Variants in METTL25 observed in about 807,000 individuals in gnomAD.
METTL25 encodes probable methyltransferase-like protein 25.
METTL25 carries 64 observed loss-of-function variants against 71.6 expected under a neutral mutation model. The ratio of observed to expected loss-of-function variants is 0.89; its 90% CI spans 0.73 to 1.10. The LOEUF is 1.10. METTL25 is among the 50% of genes least tolerant of loss of function. The pLI, the probability that METTL25 is intolerant of heterozygous loss-of-function variation, is 0.00. For missense variants in METTL25, 807 were observed against 707.0 expected (o/e 1.14, Z -1.60); for synonymous variants, 287 against 250.3 (o/e 1.15, Z -1.38).
chr12:82,478,618 A>G (rs997038746), intron 11 of METTL25, among the ~76,000 whole-genome samples: 2 of 151,900 alleles, frequency 1.3e-5, no homozygotes, highest in African/African-American at 4.8e-5. Flanking sequence ...TAAATGTACT[A>G]TAGAAAGTGA....
intron 1 of METTL25, among the ~76,000 whole-genome samples, chr12:82,372,510 G>C (rs1302696469): frequency 1.3e-5 from 2 of 152,144 alleles, no homozygotes; most frequent in Admixed American, 6.5e-5. Flanking sequence ...AGAAAGCTTG[G>C]ACATAAGGTA....
chr12:82,386,976 A>G lies in METTL25; in HGVS notation c.424+9A>G, dbSNP rs377289422. The G allele has an allele frequency of 1.7e-5, 28 of 1,609,526 alleles. No individual in the cohort carries two copies. Among genetic ancestry groups the G allele is most frequent in the Non-Finnish European group, 2.2e-5 (26 of 1,177,268 alleles). ...TCAAAACCAGAGAATTGGTATGTCT[A>G]TTTATGTGTGTGTATGTGTGCTTTT... On this transcript the variant is annotated intron_variant, in intron 2 of 11. Coordinates refer to ENST00000248306, the MANE Select transcript of METTL25 (RefSeq NM_032230.3).
At chr12:82,359,732 T>A (rs1881563093) in intron 1 of METTL25, among the ~76,000 whole-genome samples, 1 of 152,198 alleles carries the variant, frequency 6.6e-6, no homozygotes, top group Non-Finnish European at 1.5e-5. Flanking sequence ...TGTAGATTCT[T>A]CTCAGGCAAG....
intron 1 of METTL25, among the ~76,000 whole-genome samples, chr12:82,369,075 A>G (rs973781254): frequency 2.6e-5 from 4 of 152,166 alleles, no homozygotes; most frequent in Middle Eastern, 3.4e-3. Context: ...TTTTTTCTCT[A>G]ATTTTGTTCA....
At chr12:82,396,679 G>C (rs986856995) in intron 3 of METTL25, among the ~76,000 whole-genome samples, 3 of 151,968 alleles carry the variant, frequency 2.0e-5, no homozygotes, top group Admixed American at 2.0e-4. Flanking sequence ...ATAAATTTTG[G>C]TAATTATAAC....
At chr12:82,416,525 C>T (rs970073730) in intron 5 of METTL25, among the ~76,000 whole-genome samples, 1 of 149,258 alleles carries the variant, frequency 6.7e-6, no homozygotes, top group Non-Finnish European at 1.5e-5. Flanking sequence ...TTCACTGTAG[C>T]CTCGACCTGG....
chr12:82,433,698 T>G (rs983706558), intron 6 of METTL25, among the ~76,000 whole-genome samples: 3 of 151,618 alleles, frequency 2.0e-5, no homozygotes, highest in Admixed American at 6.6e-5. Context: ...AAAATTGCTC[T>G]TATACTTATG....
intron 8 of METTL25, among the ~76,000 whole-genome samples, chr12:82,455,699 GA>G (rs1891442441): frequency 6.6e-6 from 1 of 151,850 alleles, no homozygotes; most frequent in Non-Finnish European, 1.5e-5. Context: ...GATCTAAGGA[GA>G]AAAAACTAAA....
intron 1 of METTL25, among the ~76,000 whole-genome samples, chr12:82,375,568 ACTGC>A (rs1436616401): frequency 6.6e-6 from 1 of 152,246 alleles, no homozygotes; most frequent in Non-Finnish European, 1.5e-5. Context: ...AGTCCCATTC[ACTGC>A]CTCCCAATCA....
In METTL25 at chr12:82,359,571, G is replaced by C. The variant is rs559065973; in HGVS notation, c.259+747G>C. ...GGCAAAAGCTGAAGCTGAGAGGCCA[G>C]TTAGGAGACTACCTCAGTAGTACAA... On this transcript the variant is annotated intron_variant, in intron 1 of 11. Transcript: ENST00000248306. 5.1e-4 allele frequency among the ~76,000 whole-genome samples: 77 copies of C among 152,380 alleles called. 1 individual carries two copies. The highest frequency in any genetic ancestry group is 1.7e-3 in the African/African-American group (70 of 41,598).
At chr12:82,369,416 T>C in intron 1 of METTL25, 1 of 437,982 alleles carries the variant, frequency 2.3e-6, no homozygotes, top group Non-Finnish European at 4.5e-6. Context: ...ACTTCAAGAA[T>C]GAAGCCACGG....
chr12:82,415,587 G>T (rs760676432), intron 5 of METTL25, among the ~76,000 whole-genome samples: 1 of 152,068 alleles, frequency 6.6e-6, no homozygotes, highest in Non-Finnish European at 1.5e-5. Context: ...GAGACTAAAC[G>T]CCTGAGAATC....
chr12:82,467,704 A>G (rs1892323395), intron 9 of METTL25, among the ~76,000 whole-genome samples: 1 of 151,996 alleles, frequency 6.6e-6, no homozygotes, highest in African/African-American at 2.4e-5. Flanking sequence ...TCTCTTGATG[A>G]TTTTAGAATT....
chr12:82,424,134 C>G lies in METTL25; in HGVS notation c.1280-6759C>G, dbSNP rs991011725. Among the ~76,000 whole-genome samples, 5 of 152,238 alleles carry G rather than the reference C, an allele frequency of 3.3e-5. No homozygotes were observed. The South Asian group carries it at 6.2e-4, about 19-fold the overall frequency. Reference sequence around the variant, plus strand: ...CACAATAGCAAAGACTTGGAACCAACCCAAATGTCCAACAATGATAGACTG... The same window carrying G: ...CACAATAGCAAAGACTTGGAACCAAGCCAAATGTCCAACAATGATAGACTG... On this transcript the variant is annotated intron_variant, in intron 5 of 11. Coordinates refer to ENST00000248306, the MANE Select transcript of METTL25 (RefSeq NM_032230.3).
At chr12:82,389,998 A>G in intron 3 of METTL25, 76 bp downstream of exon 3, 2 of 784,354 alleles carry the variant, frequency 2.5e-6, no homozygotes, top group Non-Finnish European at 4.4e-6. Flanking sequence ...TCACCTTTTT[A>G]CTGTCAGCTA....
At chr12:82,384,031 A>C (rs111571922) in intron 1 of METTL25, among the ~76,000 whole-genome samples, 2 of 152,170 alleles carry the variant, frequency 1.3e-5, no homozygotes, top group African/African-American at 2.4e-5. Context: ...TATGGGGTAC[A>C]TAAAAAGTAA....
chr12:82,370,995 G>A (rs1883174086), intron 1 of METTL25, among the ~76,000 whole-genome samples: 1 of 152,194 alleles, frequency 6.6e-6, no homozygotes, highest in Non-Finnish European at 1.5e-5. Context: ...CAGAGGTTAG[G>A]AACTCCCTTT....
Position 82,402,847 on chromosome 12 carries a change from G to A in METTL25, c.1132-136G>A, listed in dbSNP as rs1438161326. The A allele has an allele frequency of 5.7e-5, 33 of 577,874 alleles. No individual in the cohort carries two copies. The Admixed American group carries it at 1.1e-3, about 20-fold the overall frequency. The allele number at this position is 577,874 out of a possible 1,614,324, so 35.8% of individuals were successfully genotyped here. On this transcript the variant is annotated intron_variant, in intron 4 of 11. Transcript: ENST00000248306. The stretch of plus-strand genomic sequence containing the variant: ...CCAGTAATTTGAGTCAGTAGCACGT[G>A]ATATTCGTGCCTGTGAATAGCCACC...
At chr12:82,358,930 G>C in intron 1 of METTL25, 106 bp downstream of exon 1, 1 of 1,396,774 alleles carries the variant, frequency 7.2e-7, no homozygotes, top group Non-Finnish European at 9.8e-7. Context: ...CGTGGCGGCG[G>C]AGGCGGGGCG....
Sources: gnomAD v4.1 joint callset for allele counts (sites outside exome capture counted in the v4.1 genomes callset) on GRCh38, gnomAD v4.1.1 for gene constraint, MANE v1.5 for transcripts, NCBI Gene and HGNC (gene_info 2026-07-23, HGNC 2026-07-21) for gene names.